The following TOMM70 variants were observed in gnomAD, a reference collection of about 807,000 sequenced individuals.
TOMM70 encodes the protein translocase of outer mitochondrial membrane 70.
In TOMM70, 13 loss-of-function variants were observed where a neutral mutation model predicts 73.6. The ratio of observed to expected loss-of-function variants is 0.18; its 90% CI spans 0.11 to 0.28. TOMM70 has a LOEUF of 0.28. TOMM70 is among the 10% of genes least tolerant of loss of function. The pLI, the probability that TOMM70 is intolerant of heterozygous loss-of-function variation, is 1.00. For missense variants in TOMM70, 609 were observed against 747.5 expected, an observed-to-expected ratio of 0.81 and a Z score of 2.16; for synonymous variants, 257 against 271.2, an observed-to-expected ratio of 0.95 and a Z score of 0.51.
intron 1 of TOMM70, among the ~76,000 whole-genome samples, chr3:100,396,351 G>A (rs1436438122): frequency 5.3e-5 from 8 of 152,052 alleles, no homozygotes; most frequent in Non-Finnish European, 8.8e-5. Flanking sequence ...TTTCATGTGG[G>A]CTAAACTCAT....
At chr3:100,391,336 A>G (rs965269179) in intron 1 of TOMM70, among the ~76,000 whole-genome samples, 4 of 152,156 alleles carry the variant, frequency 2.6e-5, no homozygotes, top group South Asian at 2.1e-4. Context: ...CTACTCTAGA[A>G]GAAGGCTTCT....
At chr3:100,382,391 A>G (rs1245617088) in intron 4 of TOMM70, among the ~76,000 whole-genome samples, 1 of 152,226 alleles carries the variant, frequency 6.6e-6, no homozygotes. Flanking sequence ...AATTGGCTTT[A>G]TAAGTAAATT....
intron 9 of TOMM70, among the ~76,000 whole-genome samples, chr3:100,371,706 G>T (rs1475105802): frequency 6.6e-6 from 1 of 152,220 alleles, no homozygotes; most frequent in Non-Finnish European, 1.5e-5. Context: ...CAGCACTTTT[G>T]GCACCACGGA....
intron 6 of TOMM70, among the ~76,000 whole-genome samples, chr3:100,376,848 A>G (rs1251974178): frequency 1.3e-5 from 2 of 152,198 alleles, no homozygotes; most frequent in Non-Finnish European, 2.9e-5. Context: ...CTACATACAT[A>G]TAGAACAAAT....
In TOMM70 at chr3:100,365,345, A is replaced by C. The variant is rs1576208148; in HGVS notation, c.*219T>G. On this transcript the variant is annotated 3_prime_UTR_variant, in exon 12 of 12. Transcript: ENST00000284320. ...TTTAAAAATCCCTTTAACATGTTCTAATCTTTTGTTGCACAGGGAATAAAA... is the reference window on the plus strand; with the variant it reads ...TTTAAAAATCCCTTTAACATGTTCTCATCTTTTGTTGCACAGGGAATAAAA... The C allele has an allele frequency of 1.1e-5, 6 of 532,306 alleles. No individual in the cohort carries two copies. The East Asian group carries it at 1.3e-4, about 11-fold the overall frequency. 33.0% of individuals were successfully genotyped at this position (532,306 alleles called of 1,614,324 possible). A position where few individuals can be genotyped will look rare whatever the true frequency, so the allele number is the denominator to read the frequency against.
At chr3:100,380,111 C>T (rs1342756791) in intron 5 of TOMM70, among the ~76,000 whole-genome samples, 3 of 152,054 alleles carry the variant, frequency 2.0e-5, no homozygotes, top group Admixed American at 1.3e-4. Flanking sequence ...TTTGGAAGGC[C>T]GAGGTGGGTG....
rs758375652 is a variant in TOMM70 at position 100,400,760 on chromosome 3, G to C, written c.190C>G (p.Arg64Gly). 1.3e-6 allele frequency: 2 copies of C among 1,589,684 alleles called. No homozygotes were observed. The change falls in exon 1 of 12, where the codon CGG (arginine) becomes GGG (glycine). Residue 64 changes from arginine to glycine, a missense_variant. Coordinates refer to ENST00000284320, the MANE Select transcript of TOMM70 (RefSeq NM_014820.5). The part of the protein sequence containing the change: ...GAIYLWSRQQ[R>G]RREARGRGDA... ...CCCCGGCCTCTGGCCTCCCGGCGCC[G>C]TTGCTGCCGACTCCACAGGTATATG...
chr3:100,369,206 T>C (rs889981803), intron 9 of TOMM70, 71 bp from the exon 10 acceptor site: 4 of 1,073,244 alleles, frequency 3.7e-6, no homozygotes, highest in Admixed American at 2.3e-5. Flanking sequence ...TACTTATTAT[T>C]CATTATAAAA....
At chr3:100,374,641 C>G (rs1706544017) in intron 7 of TOMM70, among the ~76,000 whole-genome samples, 1 of 152,174 alleles carries the variant, frequency 6.6e-6, no homozygotes, top group Admixed American at 6.5e-5. Flanking sequence ...ACAGTCCAGA[C>G]TATTTCCTTA....
In TOMM70 at chr3:100,372,474, T is replaced by G. The variant is rs186974752; in HGVS notation, c.1452+132A>C. 6.0e-4 allele frequency: 409 copies of G among 682,046 alleles called. 1 individual carries two copies. The African/African-American group carries it at 6.5e-3, about 11-fold the overall frequency. 42.2% of individuals were successfully genotyped at this position (682,046 alleles called of 1,614,324 possible). A position where few individuals can be genotyped will look rare whatever the true frequency, so the allele number is the denominator to read the frequency against. On this transcript the variant is annotated intron_variant, in intron 9 of 11. Transcript: ENST00000284320. The stretch of plus-strand genomic sequence containing the variant: ...GTGATTCGGGACCAACCAGGGGCCA[T>G]GAGAATCAATCAGGAACAAAGCCAC...
At position 100,400,742 on chromosome 3, in the gene TOMM70, C is replaced by T. The variant is rs762140072; in HGVS notation, c.208G>A (p.Gly70Ser). 2 of 1,602,652 alleles carry T rather than the reference C, an allele frequency of 1.2e-6. No individual in the cohort carries two copies. The highest frequency in any genetic ancestry group is 1.1e-5 in the South Asian group (1 of 89,986). Residue 70 changes from glycine to serine, a missense_variant, in exon 1 of 12, where the codon GGC becomes AGC. Coordinates refer to ENST00000284320, the MANE Select transcript of TOMM70 (RefSeq NM_014820.5). ...TTCAGGCCGCTGGCGTCGCCCCGGC[C>T]TCTGGCCTCCCGGCGCCGTTGCTGC... ...SRQQRRREAR[G>S]RGDASGLKRN...
intron 1 of TOMM70, among the ~76,000 whole-genome samples, chr3:100,396,120 T>C (rs879772654): frequency 2.0e-5 from 3 of 152,002 alleles, no homozygotes; most frequent in Middle Eastern, 3.4e-3. Flanking sequence ...GGATTAAGAT[T>C]GAAAAGTGTT....
At position 100,376,369 on chromosome 3, in the gene TOMM70, G is replaced by GTTTTTTTTTTTT. The variant is rs141227349; in HGVS notation, c.1093-1229_1093-1218dup. Among the ~76,000 whole-genome samples the GTTTTTTTTTTTT allele has an allele frequency of 8.5e-4, 103 of 121,766 alleles. 15 individuals carry two copies. The highest frequency in any genetic ancestry group is 3.7e-3 in the African/African-American group (99 of 27,054). 79.9% of individuals were successfully genotyped at this position (121,766 alleles called of 152,430 possible). A position where few individuals can be genotyped will look rare whatever the true frequency, so the allele number is the denominator to read the frequency against. On this transcript the variant is annotated intron_variant, in intron 6 of 11. Transcript: ENST00000284320. ...CTTGATGGTGTCTTTTCACACAGAAGTTTTTTTTTTTTTTTGAGACAGGAT... is the reference window on the plus strand; with the variant it reads ...CTTGATGGTGTCTTTTCACACAGAAGTTTTTTTTTTTTTTTTTTTTTTTTTTTGAGACAGGAT...
At chr3:100,368,346 C>CT (rs1706469661) in intron 10 of TOMM70, among the ~76,000 whole-genome samples, 180 bp from the exon 11 acceptor site, 1 of 152,068 alleles carries the variant, frequency 6.6e-6, no homozygotes, top group Non-Finnish European at 1.5e-5. Context: ...GTTTGCTAGT[C>CT]TAAGTTCCTT....
chr3:100,394,298 A>G (rs1046870223), intron 1 of TOMM70, among the ~76,000 whole-genome samples: 1 of 152,158 alleles, frequency 6.6e-6, no homozygotes, highest in Non-Finnish European at 1.5e-5. Context: ...GAAGTAGCAA[A>G]TAACTCTGGA....
At chr3:100,394,801 C>A (rs1341988267) in intron 1 of TOMM70, among the ~76,000 whole-genome samples, 3 of 152,016 alleles carry the variant, frequency 2.0e-5, no homozygotes, top group African/African-American at 7.2e-5. Flanking sequence ...CTGTACCTGG[C>A]CAACCAATTG....
At chr3:100,386,405 G>C (rs1381046131) in intron 2 of TOMM70, 61 bp from the exon 3 acceptor site, 2 of 1,483,848 alleles carry the variant, frequency 1.3e-6, no homozygotes, top group Admixed American at 2.5e-5. Context: ...ATAGAAATCA[G>C]TTTAAACTTG....
At chr3:100,395,291 C>T (rs931658611) in intron 1 of TOMM70, among the ~76,000 whole-genome samples, 1 of 152,094 alleles carries the variant, frequency 6.6e-6, no homozygotes, top group East Asian at 1.9e-4. Flanking sequence ...ATCGGTTGAA[C>T]CCGGGAGGCA....
intron 1 of TOMM70, among the ~76,000 whole-genome samples, chr3:100,399,479 G>GA (rs1706864074): frequency 1.3e-5 from 2 of 152,066 alleles, no homozygotes; most frequent in Non-Finnish European, 2.9e-5. Flanking sequence ...CAGACCCAGA[G>GA]AAAATCCACC....
Sources: gnomAD v4.1 joint callset for allele counts (sites outside exome capture counted in the v4.1 genomes callset) on GRCh38, gnomAD v4.1.1 for gene constraint, MANE v1.5 for transcripts, NCBI Gene and HGNC (gene_info 2026-07-23, HGNC 2026-07-21) for gene names.